Variants in TMEM38A observed in about 807,000 individuals in gnomAD.
The protein encoded by TMEM38A is trimeric intracellular cation channel type A.
In TMEM38A, 17 loss-of-function variants were observed where a neutral mutation model predicts 28.6. The ratio of observed to expected loss-of-function variants is 0.60; its 90% CI spans 0.41 to 0.89. The LOEUF (loss-of-function observed/expected upper bound fraction) is 0.89. TMEM38A is among the 40% of genes least tolerant of loss of function. TMEM38A has a pLI of 0.00. For missense variants in TMEM38A, 328 were observed against 393.1 expected (o/e 0.83, Z 1.40); for synonymous variants, 169 against 166.1 (o/e 1.02, Z -0.14).
intron 1 of TMEM38A, among the ~76,000 whole-genome samples, chr19:16,667,218 G>A (rs944112863): frequency 6.6e-5 from 10 of 151,600 alleles, no homozygotes; most frequent in Admixed American, 2.0e-4. Context: ...GCAGTGAGCC[G>A]AGATTGCGCC....
chr19:16,676,755 CTTTTTTTTTT>C (rs960732087), intron 1 of TMEM38A, among the ~76,000 whole-genome samples: 1 of 119,278 alleles, frequency 8.4e-6, no homozygotes, highest in African/African-American at 3.6e-5. Flanking sequence ...TTTTCATGAC[CTTTTTTTTTT>C]TTTTTTTTTT....
chr19:16,684,860 A>G (rs2086795167), intron 4 of TMEM38A, among the ~76,000 whole-genome samples: 1 of 150,020 alleles, frequency 6.7e-6, no homozygotes, highest in Non-Finnish European at 1.5e-5. Context: ...GCAATAGAAC[A>G]AGACTCCATC....
In TMEM38A at chr19:16,680,146, C is replaced by T. The variant is rs2086775292; in HGVS notation, c.281+6C>T. ...CTGCTGGCCTCAGCTGTCTGGTAAGCCATGCTGGGCATGGGAGAGCAGAGC... is the reference window on the plus strand; with the variant it reads ...CTGCTGGCCTCAGCTGTCTGGTAAGTCATGCTGGGCATGGGAGAGCAGAGC... On this transcript the variant is annotated splice_donor_region_variant and intron_variant, in intron 2 of 5. Transcript: ENST00000187762. 1 of 1,606,220 alleles carries T rather than the reference C, an allele frequency of 6.2e-7. No homozygotes were observed.
chr19:16,682,757 C>T (rs2086787162), intron 4 of TMEM38A, among the ~76,000 whole-genome samples: 1 of 152,142 alleles, frequency 6.6e-6, no homozygotes, highest in Admixed American at 6.6e-5. Flanking sequence ...CAGGAGTTCA[C>T]TGGCCAAGAA....
intron 1 of TMEM38A, among the ~76,000 whole-genome samples, chr19:16,665,940 C>T (rs914404696): frequency 6.6e-6 from 1 of 151,784 alleles, no homozygotes; most frequent in Non-Finnish European, 1.5e-5. Context: ...TCCTAAGTAC[C>T]TGGGATTACA....
intron 1 of TMEM38A, among the ~76,000 whole-genome samples, chr19:16,679,779 A>G (rs1329921424): frequency 3.3e-5 from 5 of 152,180 alleles, no homozygotes; most frequent in African/African-American, 1.2e-4. Context: ...CATGAAGGAA[A>G]GGACTCCCAC....
chr19:16,686,021 G>C (rs1156481863), intron 4 of TMEM38A, among the ~76,000 whole-genome samples: 1 of 152,180 alleles, frequency 6.6e-6, no homozygotes, highest in Admixed American at 6.5e-5. Context: ...AAATTAGCCA[G>C]GCATGGTGGC....
chr19:16,684,437 A>T (rs2086793522), intron 4 of TMEM38A, among the ~76,000 whole-genome samples: 1 of 151,900 alleles, frequency 6.6e-6, no homozygotes, highest in Non-Finnish European at 1.5e-5. Flanking sequence ...CTGTGATCAC[A>T]CAAGTGTACT....
chr19:16,677,518 G>T (rs955039768), intron 1 of TMEM38A, among the ~76,000 whole-genome samples: 11 of 147,790 alleles, frequency 7.4e-5, no homozygotes, highest in African/African-American at 2.9e-4. Flanking sequence ...AAAATTTTTT[G>T]TAGAGATGGG....
chr19:16,687,988 G>A (rs2086808635), intron 5 of TMEM38A, among the ~76,000 whole-genome samples, 156 bp from the exon 6 acceptor site: 2 of 152,044 alleles, frequency 1.3e-5, no homozygotes, highest in African/African-American at 2.4e-5. Context: ...TCATCCTGGG[G>A]GTGCATGCAG....
chr19:16,684,178 A>C (rs189755020), intron 4 of TMEM38A, among the ~76,000 whole-genome samples: 44 of 152,046 alleles, frequency 2.9e-4, no homozygotes, highest in Middle Eastern at 3.4e-3. Flanking sequence ...AGGATTATTA[A>C]ATACATGCAG....
Position 16,680,132 on chromosome 19 carries a change from A to G in TMEM38A, c.273A>G (p.Ser91=), listed in dbSNP as rs115868215. The change falls in exon 2 of 6, where the codon TCA becomes TCG. Residue 91 remains serine, a synonymous_variant. Coordinates refer to ENST00000187762, the MANE Select transcript of TMEM38A (RefSeq NM_024074.4). ...ACAACTCCAGCATCCTGCTGGCCTC[A>G]GCTGTCTGGTAAGCCATGCTGGGCA... ...FSNNSSILLA[S]AVWYLIFFCP... is the part of the protein sequence containing the mutation. 1.9e-3 allele frequency: 3,068 copies of G among 1,608,114 alleles called. 45 individuals carry two copies. The African/African-American group carries it at 0.035, about 18-fold the overall frequency.
In TMEM38A at chr19:16,673,623, C is replaced by A. The variant is rs533652271; in HGVS notation, c.125-6361C>A. ...CCAAGTTGCCTCTAACATGGTAATG[C>A]CCACTGATGCGCTCACCTGGATTTG... On this transcript the variant is annotated intron_variant, in intron 1 of 5. Transcript: ENST00000187762. Among the ~76,000 whole-genome samples the A allele has an allele frequency of 2.0e-5, 3 of 152,118 alleles. No homozygotes were observed. The South Asian group carries it at 6.2e-4, about 32-fold the overall frequency.
intron 1 of TMEM38A, among the ~76,000 whole-genome samples, chr19:16,671,115 G>A (rs1360591425): frequency 6.6e-6 from 1 of 151,764 alleles, no homozygotes; most frequent in East Asian, 1.9e-4. Context: ...CATGGCATGC[G>A]GCAGTTGAAA....
intron 4 of TMEM38A, among the ~76,000 whole-genome samples, 174 bp downstream of exon 4, chr19:16,682,682 T>C (rs912694756): frequency 6.6e-6 from 1 of 151,920 alleles, no homozygotes; most frequent in Non-Finnish European, 1.5e-5. Flanking sequence ...CTGCTCAGTG[T>C]GGAGGTTGGG....
intron 1 of TMEM38A, among the ~76,000 whole-genome samples, chr19:16,667,269 T>TC (rs1478331234): frequency 1.4e-5 from 2 of 138,020 alleles, no homozygotes; most frequent in Admixed American, 1.4e-4. Flanking sequence ...AGAGTGAAAC[T>TC]CCATTTCAGG....
chr19:16,678,532 G>C (rs889019141), intron 1 of TMEM38A, among the ~76,000 whole-genome samples: 4 of 151,874 alleles, frequency 2.6e-5, no homozygotes, highest in African/African-American at 9.7e-5. Context: ...AGCTGAGCCA[G>C]GTGGATGGCT....
chr19:16,688,262 G>A lies in TMEM38A; in HGVS notation c.791G>A (p.Gly264Glu). ...GGDHHHDNHG[G>E]SHSGGGPGAQ... The stretch of plus-strand genomic sequence containing the variant: ...GACCATCACCACGACAACCATGGTG[G>A]GTCCCACAGCGGTGGTGGGCCAGGA... Residue 264 changes from glycine to glutamate, a missense_variant, in exon 6 of 6, where the codon GGG becomes GAG. By Grantham distance (98) the Gly-to-Glu change is moderately conservative. Transcript: ENST00000187762. 2 of 1,604,616 alleles carry A rather than the reference G, an allele frequency of 1.2e-6. No homozygotes were observed. The highest frequency in any genetic ancestry group is 1.7e-4 in the Middle Eastern group (1 of 6,038).
chr19:16,665,654 C>T (rs138640940), intron 1 of TMEM38A, among the ~76,000 whole-genome samples: 1 of 152,010 alleles, frequency 6.6e-6, no homozygotes, highest in African/African-American at 2.4e-5. Flanking sequence ...CCTTTCCTAG[C>T]GATTGTAAAG....
Sources: allele counts gnomAD v4.1 joint callset (sites outside exome capture counted in the v4.1 genomes callset), GRCh38; gene constraint gnomAD v4.1.1; transcripts MANE v1.5; gene names NCBI Gene and HGNC (gene_info 2026-07-23, HGNC 2026-07-21).